ELAVL2: variants seen among roughly 807,000 people sequenced by gnomAD.
ELAVL2 encodes ELAV-like protein 2.
In ELAVL2, 4 loss-of-function variants were observed where a neutral mutation model predicts 34.6. The ratio of observed to expected loss-of-function variants is 0.12; its 90% confidence interval spans 0.06 to 0.26. The LOEUF (loss-of-function observed/expected upper bound fraction) is 0.26. Among genes scored for constraint, ELAVL2 ranks in the 10% least tolerant of loss-of-function variants. The pLI is 1.00. For synonymous variants in ELAVL2, 193 were observed against 154.8 expected, an observed-to-expected ratio of 1.25 and a Z score of -1.83; for missense variants, 432 against 442.8, an observed-to-expected ratio of 0.98 and a Z score of 0.22.
the ELAVL2 span, among the ~76,000 whole-genome samples, chr9:23,848,307 A>G: frequency 6.6e-6 from 1 of 152,188 alleles, no homozygotes; most frequent in Non-Finnish European, 1.5e-5. Flanking sequence ...TCTCAACTGA[A>G]ATTCTTGCTA....
rs139418112 is a variant in ELAVL2, at chr9:23,756,549, A to G, written c.229+5457T>C. Among the ~76,000 whole-genome samples, 62 of 152,142 alleles carry G rather than the reference A, an allele frequency of 4.1e-4. No individual in the cohort carries two copies. The East Asian group carries it at 0.011, about 27-fold the overall frequency. Reference sequence around the variant, plus strand: ...TCTACCCTGGAGTTTCAAAAACCTAATTACACTTAAACACACACACACACA... The same window carrying G: ...TCTACCCTGGAGTTTCAAAAACCTAGTTACACTTAAACACACACACACACA... On this transcript the variant is annotated intron_variant, in intron 2 of 6. Transcript: ENST00000397312.
chr9:23,780,274 G>C (rs1216340172), intron 1 of ELAVL2, among the ~76,000 whole-genome samples: 1 of 152,008 alleles, frequency 6.6e-6, no homozygotes, highest in Non-Finnish European at 1.5e-5. Flanking sequence ...AAATAAGAAA[G>C]CAGTCTAACA....
chr9:23,828,673 T>A (rs2065405514), upstream of ELAVL2, among the ~76,000 whole-genome samples: 1 of 152,180 alleles, frequency 6.6e-6, no homozygotes, highest in Non-Finnish European at 1.5e-5. Context: ...AGTATTGTCA[T>A]CCCTAACATG....
At position 23,746,326 on chromosome 9, in the gene ELAVL2, C is replaced by T. The variant is rs1181764651; in HGVS notation, c.230-15201G>A. On this transcript the variant is annotated intron_variant, in intron 2 of 6. Transcript: ENST00000397312. Reference sequence around the variant, plus strand: ...ATAAGCTTACTTTTGAGTTAAAAAACACTGATAGAAAAAGATAAAAAATAT... The same window carrying T: ...ATAAGCTTACTTTTGAGTTAAAAAATACTGATAGAAAAAGATAAAAAATAT... Among the ~76,000 whole-genome samples the T allele has an allele frequency of 2.6e-5, 4 of 152,082 alleles. No individual in the cohort carries two copies. The East Asian group carries it at 7.7e-4, about 29-fold the overall frequency.
chr9:23,804,185 T>A (rs562842952), intron 1 of ELAVL2, among the ~76,000 whole-genome samples: 280 of 151,796 alleles, frequency 1.8e-3, no homozygotes, highest in Non-Finnish European at 2.4e-3. Flanking sequence ...TTATTTATTT[T>A]TTTTTTGAGA....
At chr9:23,762,327 CT>C (rs2055218129) in intron 1 of ELAVL2, 78 bp from the exon 2 acceptor site, 4 of 1,534,832 alleles carry the variant, frequency 2.6e-6, no homozygotes, top group Non-Finnish European at 3.5e-6. Context: ...AATTTAAACA[CT>C]TGTCACTAAA....
chr9:23,817,479 G>A (rs1158975556), intron 1 of ELAVL2, among the ~76,000 whole-genome samples: 1 of 152,136 alleles, frequency 6.6e-6, no homozygotes, highest in East Asian at 1.9e-4. Context: ...CACGCATTGA[G>A]AGCCTAACTC....
At chr9:23,812,050 G>A (rs1398330313) in intron 1 of ELAVL2, among the ~76,000 whole-genome samples, 2 of 152,000 alleles carry the variant, frequency 1.3e-5, no homozygotes, top group Non-Finnish European at 2.9e-5. Flanking sequence ...CCAGACAACA[G>A]GGATATATCT....
intron 2 of ELAVL2, among the ~76,000 whole-genome samples, chr9:23,745,107 G>A (rs371996370): frequency 3.9e-5 from 6 of 152,142 alleles, no homozygotes; most frequent in East Asian, 3.9e-4. Context: ...GGGAGGCCAA[G>A]GTGGGAAGAT....
intron 1 of ELAVL2, among the ~76,000 whole-genome samples, chr9:23,801,629 T>C (rs2061577158): frequency 6.6e-6 from 1 of 152,246 alleles, no homozygotes; most frequent in African/African-American, 2.4e-5. Flanking sequence ...GTTACTGACA[T>C]TTCTTGATCC....
intron 1 of ELAVL2, among the ~76,000 whole-genome samples, chr9:23,766,020 A>G (rs989568067): frequency 6.6e-6 from 1 of 152,224 alleles, no homozygotes; most frequent in Non-Finnish European, 1.5e-5. Flanking sequence ...AATGGTCAAT[A>G]TAATCAGAAA....
rs763964895 is a variant in ELAVL2, at chr9:23,701,622, A to G, written c.488-18T>C. The G allele has an allele frequency of 1.2e-6, 2 of 1,609,540 alleles. No homozygotes were observed. The highest frequency in any genetic ancestry group is 1.7e-6 in the Non-Finnish European group (2 of 1,176,504). ...TGATATGCCTATGGTAGATTTGAGT[A>G]AAGATTTGGAAAAGAGGGAACAGAA... On this transcript the variant is annotated intron_variant, in intron 4 of 6. Coordinates refer to ENST00000397312, the MANE Select transcript of ELAVL2 (RefSeq NM_004432.5).
chr9:23,718,108 C>T (rs1464735343), intron 3 of ELAVL2, among the ~76,000 whole-genome samples: 3 of 151,996 alleles, frequency 2.0e-5, no homozygotes, highest in Admixed American at 6.6e-5. Flanking sequence ...TAATAAAGCC[C>T]TAAGGGGTGG....
chr9:23,818,917 CCAA>C (rs1014923610), intron 1 of ELAVL2, among the ~76,000 whole-genome samples: 4 of 152,216 alleles, frequency 2.6e-5, no homozygotes, highest in African/African-American at 9.6e-5. Flanking sequence ...TTGTGCAATG[CCAA>C]TAATGCCTGA....
At chr9:23,844,257 G>C in the ELAVL2 span, among the ~76,000 whole-genome samples, 2 of 151,952 alleles carry the variant, frequency 1.3e-5, no homozygotes, top group African/African-American at 2.4e-5. Flanking sequence ...CTCTTACACA[G>C]AGTATGCATT....
Position 23,702,626 on chromosome 9 carries a change from A to C in ELAVL2, c.488-1022T>G, listed in dbSNP as rs111486948. 6.3e-3 allele frequency among the ~76,000 whole-genome samples: 964 copies of C among 152,138 alleles called. 6 individuals are homozygous for C. The highest frequency in any genetic ancestry group is 0.022 in the African/African-American group (926 of 41,510). On this transcript the variant is annotated intron_variant, in intron 4 of 6. Transcript: ENST00000397312. ...AGAAGGTCTACTTGCTTTAAAATTAATACTGTGTAAGGTCAATGACTAAGA... is the reference window on the plus strand; with the variant it reads ...AGAAGGTCTACTTGCTTTAAAATTACTACTGTGTAAGGTCAATGACTAAGA...
intron 2 of ELAVL2, among the ~76,000 whole-genome samples, chr9:23,738,940 T>G (rs1038893585): frequency 6.6e-6 from 1 of 152,170 alleles, no homozygotes; most frequent in African/African-American, 2.4e-5. Context: ...CTGCTGGCAA[T>G]GCGGCATGAC....
intron 5 of ELAVL2, among the ~76,000 whole-genome samples, chr9:23,697,066 G>C (rs372958611): frequency 2.6e-5 from 4 of 151,994 alleles, no homozygotes; most frequent in African/African-American, 4.8e-5. Flanking sequence ...GAGAGGCGGC[G>C]AGTGGCACTC....
At chr9:23,838,711 C>T in the ELAVL2 span, among the ~76,000 whole-genome samples, 1 of 152,074 alleles carries the variant, frequency 6.6e-6, no homozygotes, top group Non-Finnish European at 1.5e-5. Context: ...CCTATTAAAT[C>T]CTTTCTCAAA....
Sources: gnomAD v4.1 joint callset for allele counts (sites outside exome capture counted in the v4.1 genomes callset) on GRCh38, gnomAD v4.1.1 for gene constraint, MANE v1.5 for transcripts, NCBI Gene and HGNC (gene_info 2026-07-23, HGNC 2026-07-21) for gene names.